Variants in CNTN6 observed in about 807,000 individuals in gnomAD.
CNTN6 encodes contactin 6.
A neutral mutation model predicts 122.8 loss-of-function variants in CNTN6; 137 were observed. The ratio of observed to expected loss-of-function variants is 1.12; its 90% CI spans 0.97 to 1.29. The LOEUF (loss-of-function observed/expected upper bound fraction) is 1.29, where lower values mean the gene tolerates loss of function less well. CNTN6 is among the 50% of genes most tolerant of loss of function. CNTN6 has a pLI of 0.00. For missense variants in CNTN6, 1,634 were observed against 1,223.4 expected, an observed-to-expected ratio of 1.34 and a Z score of -5.01; for synonymous variants, 570 against 426.0, an observed-to-expected ratio of 1.34 and a Z score of -4.16.
intron 4 of CNTN6, among the ~76,000 whole-genome samples, chr3:1,277,750 G>A (rs1488555162): frequency 5.9e-5 from 9 of 152,208 alleles, no homozygotes; most frequent in Non-Finnish European, 1.0e-4. Context: ...AAACAATTTA[G>A]GAGAATGGGT....
intron 4 of CNTN6, among the ~76,000 whole-genome samples, chr3:1,253,175 A>G (rs992521822): frequency 2.0e-5 from 3 of 152,120 alleles, no homozygotes; most frequent in African/African-American, 7.2e-5. Context: ...GGACTTGTAT[A>G]TTTCATTAGC....
intron 5 of CNTN6, among the ~76,000 whole-genome samples, chr3:1,279,410 G>A (rs7615937): frequency 0.066 from 9,985 of 152,186 alleles, 408 homozygotes; most frequent in African/African-American, 0.1. Context: ...ATAACAGCAA[G>A]GACTTACACA....
chr3:1,125,073 T>G (rs2092110833), intron 1 of CNTN6, among the ~76,000 whole-genome samples: 1 of 152,002 alleles, frequency 6.6e-6, no homozygotes. Flanking sequence ...TTTCTGTATC[T>G]GGAACATTCA....
Position 1,297,938 on chromosome 3 carries a change from T to C in CNTN6, c.708T>C (p.Thr236=), listed in dbSNP as rs374989978. 4 of 1,613,034 alleles carry C rather than the reference T, an allele frequency of 2.5e-6. No homozygotes were observed. Among genetic ancestry groups the C allele is most frequent in the Non-Finnish European group, 2.5e-6 (3 of 1,179,674 alleles). ...EPKIEVRFPE[T]IQAAKDSSVK... Reference sequence around the variant, plus strand: ...AGATTGAAGTGCGTTTTCCTGAAACTATACAAGCTGCAAAGGATTCATCTG... The same window carrying C: ...AGATTGAAGTGCGTTTTCCTGAAACCATACAAGCTGCAAAGGATTCATCTG... The change falls in exon 7 of 23, where the codon ACT becomes ACC. Residue 236 remains threonine (T), a synonymous_variant. Transcript: ENST00000446702.
chr3:1,156,774 C>T (rs190860851), intron 2 of CNTN6, among the ~76,000 whole-genome samples: 13 of 151,336 alleles, frequency 8.6e-5, no homozygotes, highest in Admixed American at 4.6e-4. Context: ...AGTGCAATGG[C>T]GCTATCAAAG....
chr3:1,101,032 C>G (rs1326641568), intron 1 of CNTN6, among the ~76,000 whole-genome samples: 4 of 152,088 alleles, frequency 2.6e-5, no homozygotes, highest in Non-Finnish European at 4.4e-5. Context: ...GTTGTGTATG[C>G]TTTTGCATAG....
intron 4 of CNTN6, among the ~76,000 whole-genome samples, chr3:1,266,180 T>C (rs1244397324): frequency 6.6e-6 from 1 of 152,082 alleles, no homozygotes; most frequent in African/African-American, 2.4e-5. Flanking sequence ...AGATTTTATT[T>C]AATAGTCTCT....
chr3:1,377,273 G>C (rs552138755), intron 17 of CNTN6, among the ~76,000 whole-genome samples, 198 bp downstream of exon 17: 1 of 152,248 alleles, frequency 6.6e-6, no homozygotes, highest in Admixed American at 6.5e-5. Flanking sequence ...GACGAACTCA[G>C]CACAATTTTC....
chr3:1,352,178 A>T (rs1450386946), intron 11 of CNTN6, 146 bp from the exon 12 acceptor site: 1 of 595,082 alleles, frequency 1.7e-6, no homozygotes, highest in African/African-American at 1.9e-5. Context: ...ATAGCTCACA[A>T]TGAAGAACAG....
At chr3:1,401,320 A>G (rs1197460477) in intron 20 of CNTN6, 113 bp from the exon 21 acceptor site, 1 of 770,030 alleles carries the variant, frequency 1.3e-6, no homozygotes, top group Non-Finnish European at 2.2e-6. Flanking sequence ...AAGACATTTT[A>G]GCTCCTTCTA....
At chr3:1,254,306 T>G (rs1314458058) in intron 4 of CNTN6, among the ~76,000 whole-genome samples, 5 of 152,172 alleles carry the variant, frequency 3.3e-5, no homozygotes, top group African/African-American at 1.2e-4. Flanking sequence ...GTCATCAGAG[T>G]ACAATTTCTT....
At chr3:1,100,096 C>T (rs1007088338) in intron 1 of CNTN6, among the ~76,000 whole-genome samples, 1 of 152,014 alleles carries the variant, frequency 6.6e-6, no homozygotes, top group Admixed American at 6.6e-5. Flanking sequence ...AGACTTATGA[C>T]GTGATTTCCT....
At chr3:1,280,682 C>A (rs1181501507) in intron 5 of CNTN6, among the ~76,000 whole-genome samples, 1 of 151,820 alleles carries the variant, frequency 6.6e-6, no homozygotes, top group African/African-American at 2.4e-5. Flanking sequence ...CCAGGCTGGT[C>A]TCAAACTCCT....
intron 2 of CNTN6, among the ~76,000 whole-genome samples, chr3:1,190,081 G>C (rs1203125183): frequency 6.6e-6 from 1 of 152,152 alleles, no homozygotes; most frequent in African/African-American, 2.4e-5. Context: ...CAGTGAATCT[G>C]GTAAGGGCTC....
At chr3:1,271,982 G>A (rs893999824) in intron 4 of CNTN6, among the ~76,000 whole-genome samples, 1 of 152,156 alleles carries the variant, frequency 6.6e-6, no homozygotes. Context: ...GACCCAGTGG[G>A]AGGTAATTGA....
intron 5 of CNTN6, among the ~76,000 whole-genome samples, chr3:1,282,688 A>C (rs1693676332): frequency 6.6e-6 from 1 of 152,180 alleles, no homozygotes; most frequent in South Asian, 2.1e-4. Context: ...AAACTTCACT[A>C]AGATTCCTGT....
chr3:1,099,821 T>C (rs1323372640), intron 1 of CNTN6, among the ~76,000 whole-genome samples: 1 of 152,206 alleles, frequency 6.6e-6, no homozygotes, highest in Non-Finnish European at 1.5e-5. Flanking sequence ...CAGTCTTTTA[T>C]TGGTTTGAGG....
chr3:1,283,296 G>A (rs956744493), intron 5 of CNTN6, among the ~76,000 whole-genome samples: 6 of 152,090 alleles, frequency 3.9e-5, no homozygotes, highest in Non-Finnish European at 8.8e-5. Context: ...TTTTTGGGGA[G>A]CAGGATGTTA....
At chr3:1,129,030 G>A (rs183204215) in intron 1 of CNTN6, among the ~76,000 whole-genome samples, 10 of 151,928 alleles carry the variant, frequency 6.6e-5, no homozygotes, top group Non-Finnish European at 1.5e-5. Flanking sequence ...ATACATAGAA[G>A]GTAAAAATTA....
Sources: gnomAD v4.1 joint callset for allele counts (sites outside exome capture counted in the v4.1 genomes callset) on GRCh38, gnomAD v4.1.1 for gene constraint, MANE v1.5 for transcripts, NCBI Gene and HGNC (gene_info 2026-07-23, HGNC 2026-07-21) for gene names.